The following PCMT1 variants were observed in gnomAD, a reference collection of about 807,000 sequenced individuals.
PCMT1 encodes protein-L-isoaspartate(D-aspartate) O-methyltransferase.
In PCMT1, 9 loss-of-function variants were observed where a neutral mutation model predicts 29.2. The ratio of observed to expected loss-of-function variants is 0.31; its 90% CI spans 0.19 to 0.54. PCMT1 has a LOEUF of 0.54. Ranked by LOEUF, PCMT1 falls within the 20% of genes least tolerant of loss-of-function variation. PCMT1 has a pLI of 0.95. For synonymous variants in PCMT1, 98 were observed against 97.5 expected (o/e 1.00, Z -0.03); for missense variants, 184 against 282.2 (o/e 0.65, Z 2.49).
At chr6:149,765,724 T>C (rs1274126519) in intron 1 of PCMT1, 2 of 346,304 alleles carry the variant, frequency 5.8e-6, no homozygotes, top group South Asian at 2.2e-5. Flanking sequence ...ACCAGCACTT[T>C]GGGAGGACGA....
intron 1 of PCMT1, among the ~76,000 whole-genome samples, chr6:149,753,428 G>A (rs1786404320): frequency 6.6e-6 from 1 of 151,982 alleles, no homozygotes; most frequent in African/African-American, 2.4e-5. Flanking sequence ...TGCTTCCCAG[G>A]TTCAAGCAAT....
chr6:149,778,904 T>TA (rs1439252957), intron 3 of PCMT1, among the ~76,000 whole-genome samples: 1 of 152,162 alleles, frequency 6.6e-6, no homozygotes, highest in Non-Finnish European at 1.5e-5. Context: ...AATAAGTGAT[T>TA]AAAAAGAAAA....
chr6:149,770,614 G>T (rs1166741651), intron 1 of PCMT1, among the ~76,000 whole-genome samples: 1 of 150,656 alleles, frequency 6.6e-6, no homozygotes, highest in Non-Finnish European at 1.5e-5. Flanking sequence ...GCTGAGGCAG[G>T]AGAATCACTT....
At chr6:149,786,217 C>T (rs1583038377) in intron 3 of PCMT1, among the ~76,000 whole-genome samples, 1 of 116,796 alleles carries the variant, frequency 8.6e-6, no homozygotes. Context: ...GGGGGGCTGA[C>T]CCCCCCACCT....
At chr6:149,749,726 G>T, upstream of PCMT1, 10 of 1,542,200 alleles carry the variant, frequency 6.5e-6, no homozygotes, top group Non-Finnish European at 8.7e-6. Context: ...GTGCCGCGGG[G>T]GATGCCGGGA....
rs58023690 is a variant in PCMT1, at chr6:149,805,588, C to G, written c.*37+3172C>G. On this transcript the variant is annotated intron_variant, in intron 7 of 7. Coordinates refer to ENST00000464889, the MANE Select transcript of PCMT1 (RefSeq NM_001360452.2). ...CAGCCTGGGCAACAGAGCGAGACTCCGTCTCAAAAAATGTATACCTGGTTT... is the reference window on the plus strand; with the variant it reads ...CAGCCTGGGCAACAGAGCGAGACTCGGTCTCAAAAAATGTATACCTGGTTT... Among the ~76,000 whole-genome samples the G allele has an allele frequency of 2.0e-5, 3 of 151,320 alleles. No individual in the cohort carries two copies. The East Asian group carries it at 5.9e-4, about 30-fold the overall frequency.
chr6:149,788,183 G>A (rs1788206428), intron 3 of PCMT1, among the ~76,000 whole-genome samples: 1 of 152,170 alleles, frequency 6.6e-6, no homozygotes, highest in African/African-American at 2.4e-5. Context: ...AAAGTGCTGG[G>A]ATTACAGGTG....
chr6:149,810,284 G>C (rs1776126720), intron 7 of PCMT1, among the ~76,000 whole-genome samples: 1 of 152,168 alleles, frequency 6.6e-6, no homozygotes, highest in African/African-American at 2.4e-5. Flanking sequence ...CACTTAAGTT[G>C]TCATTTTACT....
intron 3 of PCMT1, among the ~76,000 whole-genome samples, chr6:149,788,581 A>G (rs1315549758): frequency 6.6e-6 from 1 of 152,184 alleles, no homozygotes; most frequent in Non-Finnish European, 1.5e-5. Context: ...TGCCTGGCAT[A>G]TCCCAGAAAT....
At chr6:149,773,447 C>T (rs1055307336) in intron 3 of PCMT1, among the ~76,000 whole-genome samples, 6 of 152,116 alleles carry the variant, frequency 3.9e-5, no homozygotes, top group African/African-American at 1.4e-4. Flanking sequence ...GGCACAATCT[C>T]GGCTCACTGC....
rs149323236 is a variant in PCMT1 at position 149,774,534 on chromosome 6, C to G, written c.192+1365C>G. Among the ~76,000 whole-genome samples, 1,034 of 129,556 alleles carry G rather than the reference C, an allele frequency of 8.0e-3. 6 individuals carry two copies. The highest frequency in any genetic ancestry group is 0.019 in the Middle Eastern group (4 of 210). 85.0% of individuals were successfully genotyped at this position (129,556 alleles called of 152,430 possible). A position where few individuals can be genotyped will look rare whatever the true frequency, so the allele number is the denominator to read the frequency against. ...GATTATAGGTGTGAGCCACTGGGCC[C>G]AGTCTTTTTTTTTTTTTTTTTGAGA... is the stretch of plus-strand genomic sequence containing the variant. On this transcript the variant is annotated intron_variant, in intron 3 of 7. Transcript: ENST00000464889.
At chr6:149,753,354 CAG>C (rs1336810229) in intron 1 of PCMT1, among the ~76,000 whole-genome samples, 37 of 128,002 alleles carry the variant, frequency 2.9e-4, no homozygotes, top group Non-Finnish European at 5.1e-4. Context: ...TTTTTTGAGA[CAG>C]AGTTTCGCTC....
At chr6:149,805,629 A>G (rs1193373321) in intron 7 of PCMT1, among the ~76,000 whole-genome samples, 1 of 146,806 alleles carries the variant, frequency 6.8e-6, no homozygotes, top group Admixed American at 6.9e-5. Flanking sequence ...TTGACCTTCA[A>G]AGTTTTTTAA....
At chr6:149,760,087 C>T (rs932226670) in intron 1 of PCMT1, among the ~76,000 whole-genome samples, 3 of 152,156 alleles carry the variant, frequency 2.0e-5, no homozygotes, top group Non-Finnish European at 4.4e-5. Context: ...CAGATCCAAT[C>T]CATTCTACAC....
At chr6:149,787,562 C>T (rs1788173676) in intron 3 of PCMT1, among the ~76,000 whole-genome samples, 1 of 151,960 alleles carries the variant, frequency 6.6e-6, no homozygotes, top group African/African-American at 2.4e-5. Flanking sequence ...AGGGTTTCAT[C>T]ATGTTGGGCA....
chr6:149,774,684 C>T (rs1489200658), intron 3 of PCMT1, among the ~76,000 whole-genome samples: 2 of 150,884 alleles, frequency 1.3e-5, no homozygotes, highest in African/African-American at 4.9e-5. Context: ...ATTACAGGCA[C>T]CCGCCACCAC....
chr6:149,762,061 T>G (rs1334279581), intron 1 of PCMT1, among the ~76,000 whole-genome samples: 5 of 152,174 alleles, frequency 3.3e-5, no homozygotes, highest in African/African-American at 4.8e-5. Flanking sequence ...TTAGTTTTCC[T>G]TATATGTAAA....
intron 3 of PCMT1, among the ~76,000 whole-genome samples, chr6:149,780,271 A>G (rs1327046774): frequency 6.6e-6 from 1 of 151,504 alleles, no homozygotes; most frequent in Admixed American, 6.6e-5. Context: ...AGCCTGGGAG[A>G]TGGAGGCTGC....
Position 149,763,173 on chromosome 6 carries a change from G to GATATATATCTATGATATCTATGAT in PCMT1, c.56-7961_56-7938dup, listed in dbSNP as rs1167960410. 5.5e-5 allele frequency among the ~76,000 whole-genome samples: 2 copies of GATATATATCTATGATATCTATGAT among 36,610 alleles called. 1 individual carries two copies. The highest frequency in any genetic ancestry group is 9.1e-4 in the African/African-American group (2 of 2,192). 24.0% of individuals were successfully genotyped at this position (36,610 alleles called of 152,430 possible). ...TATGATATATATCTATGATATCTAT[G>GATATATATCTATGATATCTATGAT]ATATATATCTATGATATCTATGATA... On this transcript the variant is annotated intron_variant, in intron 1 of 7. Coordinates refer to ENST00000464889, the MANE Select transcript of PCMT1 (RefSeq NM_001360452.2).
Sources: gnomAD v4.1 joint callset for allele counts (sites outside exome capture counted in the v4.1 genomes callset) on GRCh38, gnomAD v4.1.1 for gene constraint, MANE v1.5 for transcripts, NCBI Gene and HGNC (gene_info 2026-07-23, HGNC 2026-07-21) for gene names.